Variants in PAK3 observed in about 807,000 individuals in gnomAD.
PAK3 encodes serine/threonine-protein kinase PAK 3.
In PAK3, 4 loss-of-function variants were observed where a neutral mutation model predicts 41.0. The observed-to-expected ratio is 0.10, with a 90% confidence interval of 0.05 to 0.22. The LOEUF is 0.22. PAK3 is among the 10% of genes least tolerant of loss of function. The probability of loss-of-function intolerance (pLI) is 1.00; values close to 1 mark genes in which losing one functional copy is unlikely to be tolerated. For synonymous variants in PAK3, 146 were observed against 139.6 expected (o/e 1.05, Z -0.32); for missense variants, 205 against 409.9 (o/e 0.50, Z 4.32).
chrX:111,018,653 T>C (rs1254137062), intron 1 of PAK3, among the ~76,000 whole-genome samples: 2 of 111,869 alleles, frequency 1.8e-5, no homozygotes, highest in Non-Finnish European at 3.8e-5. Context: ...TTAACATATT[T>C]ATGATGTCAC....
intron 1 of PAK3, among the ~76,000 whole-genome samples, chrX:111,074,004 T>G (rs780343031): frequency 1.8e-5 from 2 of 111,912 alleles, no homozygotes; most frequent in South Asian, 3.8e-4. Flanking sequence ...AAAATAACAT[T>G]CTTTATGATC....
intron 4 of PAK3, among the ~76,000 whole-genome samples, chrX:111,116,475 A>T (rs950914329): frequency 3.6e-5 from 4 of 112,030 alleles, no homozygotes; most frequent in African/African-American, 1.3e-4. Flanking sequence ...TGAATAATAA[A>T]GTATGGTGCT....
chrX:111,123,046 C>A, intron 4 of PAK3, 31 bp from the exon 5 acceptor site: 1 of 915,877 alleles, frequency 1.1e-6, no homozygotes, highest in Non-Finnish European at 1.6e-6. Flanking sequence ...TCTTCTCCCT[C>A]AACTCCTTTT....
At chrX:111,033,484 A>G (rs2092361900) in intron 1 of PAK3, among the ~76,000 whole-genome samples, 1 of 111,826 alleles carries the variant, frequency 8.9e-6, no homozygotes, top group Non-Finnish European at 1.9e-5. Context: ...AATGAAATGG[A>G]ACTTGCCCTA....
At chrX:111,000,770 T>TA (rs1326588403) in intron 1 of PAK3, among the ~76,000 whole-genome samples, 3 of 111,811 alleles carry the variant, frequency 2.7e-5, no homozygotes, top group Non-Finnish European at 5.6e-5. Context: ...TATTTCAAAA[T>TA]AAAAAATTAA....
intron 1 of PAK3, among the ~76,000 whole-genome samples, chrX:111,068,643 T>C (rs932960397): frequency 3.6e-5 from 4 of 112,532 alleles, no homozygotes; most frequent in African/African-American, 1.3e-4. Context: ...AACTAACACC[T>C]GGACTTGATA....
At chrX:111,170,555 T>C (rs1049136942) in intron 10 of PAK3, among the ~76,000 whole-genome samples, 10 of 111,605 alleles carry the variant, frequency 9.0e-5, no homozygotes, top group African/African-American at 3.3e-4. Flanking sequence ...CATATTTTCT[T>C]GTTCTCATTC....
chrX:110,963,808 G>A (rs916224257), intron 1 of PAK3, among the ~76,000 whole-genome samples: 16 of 112,176 alleles, frequency 1.4e-4, no homozygotes, highest in African/African-American at 5.2e-4. Context: ...CTGATACCTT[G>A]AGTCTTTGAT....
chrX:111,043,188 G>A (rs185412195), intron 1 of PAK3, among the ~76,000 whole-genome samples: 1 of 110,191 alleles, frequency 9.1e-6, no homozygotes, highest in East Asian at 2.9e-4. Context: ...AAGCCATTCA[G>A]GCAGCTGAGG....
At chrX:111,092,285 GTATA>G (rs1353814551), upstream of PAK3, among the ~76,000 whole-genome samples, 1 of 112,036 alleles carries the variant, frequency 8.9e-6, no homozygotes, top group East Asian at 2.8e-4. Context: ...CAAGACAGTA[GTATA>G]TAAAGAAAAG....
intron 1 of PAK3, among the ~76,000 whole-genome samples, chrX:110,959,836 G>GA (rs1569496861): frequency 9.0e-6 from 1 of 111,036 alleles, no homozygotes; most frequent in East Asian, 2.8e-4. Flanking sequence ...AAAAAGAAGC[G>GA]AAAAAAGCCA....
At chrX:111,082,840 C>A (rs1428603740) in intron 1 of PAK3, among the ~76,000 whole-genome samples, 3 of 111,393 alleles carry the variant, frequency 2.7e-5, no homozygotes, top group African/African-American at 6.5e-5. Context: ...CTCCTCCTTC[C>A]TTGATACCTA....
intron 16 of PAK3, among the ~76,000 whole-genome samples, chrX:111,208,339 C>T (rs1200285698): frequency 9.0e-6 from 1 of 111,634 alleles, no homozygotes; most frequent in Non-Finnish European, 1.9e-5. Flanking sequence ...TTAGTGTAGC[C>T]TAAGTGTACA....
intron 1 of PAK3, among the ~76,000 whole-genome samples, chrX:111,047,944 C>T (rs956532880): frequency 1.8e-5 from 2 of 111,781 alleles, no homozygotes; most frequent in East Asian, 5.7e-4. Context: ...TGGCTGCATA[C>T]TCTCTTTCTA....
At chrX:111,153,179 T>C (rs1342134201) in intron 8 of PAK3, among the ~76,000 whole-genome samples, 1 of 111,947 alleles carries the variant, frequency 8.9e-6, no homozygotes, top group African/African-American at 3.2e-5. Flanking sequence ...TACTTAATCT[T>C]TCCTACAGCC....
chrX:110,948,481 G>T (rs2090669226), intron 1 of PAK3, among the ~76,000 whole-genome samples: 1 of 111,734 alleles, frequency 8.9e-6, no homozygotes, highest in African/African-American at 3.3e-5. Context: ...TTTGTCAATG[G>T]GAAGCTGAGG....
At chrX:111,207,213 T>C (rs931246468) in intron 16 of PAK3, among the ~76,000 whole-genome samples, 6 of 107,724 alleles carry the variant, frequency 5.6e-5, no homozygotes, top group East Asian at 2.8e-4. Context: ...TATATACACA[T>C]ATACATATAC....
chrX:111,119,128 A>G (rs1329213797), intron 4 of PAK3, among the ~76,000 whole-genome samples: 2 of 111,217 alleles, frequency 1.8e-5, no homozygotes, highest in African/African-American at 3.3e-5. Context: ...CTCTCCTAGT[A>G]CTCTGAAGAA....
chrX:111,086,291 A>G (rs1385123594), intron 1 of PAK3, among the ~76,000 whole-genome samples: 1 of 111,188 alleles, frequency 9.0e-6, no homozygotes, highest in Non-Finnish European at 1.9e-5. Context: ...ACTCACCATC[A>G]CCCTCCCCTA....
Sources: gnomAD v4.1 joint callset for allele counts (sites outside exome capture counted in the v4.1 genomes callset) on GRCh38, gnomAD v4.1.1 for gene constraint, MANE v1.5 for transcripts, NCBI Gene and HGNC (gene_info 2026-07-23, HGNC 2026-07-21) for gene names.